Variants in PLAC8L1 observed in about 807,000 individuals in gnomAD.
PLAC8L1 encodes the protein PLAC8 like 1.
A neutral mutation model predicts 16.3 loss-of-function variants in PLAC8L1; 13 were observed. That is an observed-to-expected ratio of 0.80 (90% CI 0.52 to 1.27). PLAC8L1 has a LOEUF of 1.27. Among genes scored for constraint, PLAC8L1 ranks in the 50% most tolerant of loss-of-function variants. The probability of loss-of-function intolerance (pLI) is 0.00; values close to 1 mark genes in which losing one functional copy is unlikely to be tolerated. For synonymous variants in PLAC8L1, 78 were observed against 79.3 expected, an observed-to-expected ratio of 0.98 and a Z score of 0.09; for missense variants, 184 against 220.2, an observed-to-expected ratio of 0.84 and a Z score of 1.04.
intron 1 of PLAC8L1, among the ~76,000 whole-genome samples, chr5:146,100,861 G>A (rs1171737623): frequency 1.3e-5 from 2 of 152,154 alleles, no homozygotes; most frequent in Non-Finnish European, 2.9e-5. Flanking sequence ...AGGAAGTAAT[G>A]AAAGTTAAGT....
chr5:146,100,323 GGAAGT>G (rs1375961755), intron 1 of PLAC8L1, among the ~76,000 whole-genome samples: 1 of 152,124 alleles, frequency 6.6e-6, no homozygotes, highest in African/African-American at 2.4e-5. Context: ...CGACCTGTCT[GGAAGT>G]ATGAAGTGGA....
chr5:146,089,605 T>C (rs1027239893), intron 2 of PLAC8L1, among the ~76,000 whole-genome samples: 1 of 152,098 alleles, frequency 6.6e-6, no homozygotes, highest in African/African-American at 2.4e-5. Context: ...CATATTACTA[T>C]ATGTTCTCAT....
chr5:146,101,497 C>T lies in PLAC8L1; in HGVS notation c.119+2696G>A, dbSNP rs137868359. Among the ~76,000 whole-genome samples, 41 of 152,324 alleles carry T rather than the reference C, an allele frequency of 2.7e-4. 4 individuals carry two copies. In the East Asian group the frequency reaches 7.9e-3, roughly 29 times the overall value. The stretch of plus-strand genomic sequence containing the variant: ...AAACTACTTTTATGTCTTATTTCCT[C>T]TGCCTCCATGTGTGCTCCCTGAGGT... On this transcript the variant is annotated intron_variant, in intron 1 of 3. Transcript: ENST00000311450.
chr5:146,097,722 C>A (rs907573843), intron 2 of PLAC8L1, among the ~76,000 whole-genome samples: 3 of 152,172 alleles, frequency 2.0e-5, no homozygotes, highest in African/African-American at 7.2e-5. Context: ...ACTAATGCTG[C>A]AAAATTTAAT....
intron 2 of PLAC8L1, among the ~76,000 whole-genome samples, chr5:146,086,249 T>G (rs1763515866): frequency 1.3e-5 from 2 of 151,888 alleles, no homozygotes; most frequent in South Asian, 4.2e-4. Context: ...CGGGATGGTC[T>G]CGATCTCCTG....
At position 146,098,241 on chromosome 5, in the gene PLAC8L1, A is replaced by G. The variant is rs772654375; in HGVS notation, c.171T>C (p.Ser57=). The change falls in exon 2 of 4, where the codon AGT becomes AGC. Residue 57 remains serine, a synonymous_variant. Transcript: ENST00000311450. ...AVVKQPVRGA[S]GRTTITAIVQ... Reference sequence around the variant, plus strand: ...CAATTGCTGTGATTGTCGTCCTGCCACTGGCTCCCCGAACAGGCTGCTTCA... The same window carrying G: ...CAATTGCTGTGATTGTCGTCCTGCCGCTGGCTCCCCGAACAGGCTGCTTCA... 2.5e-5 allele frequency: 41 copies of G among 1,614,062 alleles called. No homozygotes were observed. Among genetic ancestry groups the G allele is most frequent in the Middle Eastern group, 1.6e-4 (1 of 6,084 alleles).
At chr5:146,099,831 A>C (rs1233867739) in intron 1 of PLAC8L1, among the ~76,000 whole-genome samples, 1 of 152,146 alleles carries the variant, frequency 6.6e-6, no homozygotes, top group Non-Finnish European at 1.5e-5. Flanking sequence ...TCTGGCAATA[A>C]AGCCAATGGA....
At chr5:146,088,435 T>G (rs1208256658) in intron 2 of PLAC8L1, among the ~76,000 whole-genome samples, 1 of 152,214 alleles carries the variant, frequency 6.6e-6, no homozygotes, top group Non-Finnish European at 1.5e-5. Flanking sequence ...GGTCTGTCTC[T>G]GGCTACCCCT....
rs1763889998 is a variant in PLAC8L1 at position 146,105,199 on chromosome 5, G to A, written c.-888C>T. 6.6e-6 allele frequency among the ~76,000 whole-genome samples: 1 copy of A among 152,170 alleles called. No homozygotes were observed. Among genetic ancestry groups the A allele is most frequent in the South Asian group, 2.1e-4 (1 of 4,828 alleles). ...ACATTACATTAGAAAGACATCAGGA[G>A]GATACTGCCAATTATATCATATATT... On this transcript the variant is annotated 5_prime_UTR_variant, in exon 1 of 4. Coordinates refer to ENST00000311450, the MANE Select transcript of PLAC8L1 (RefSeq NM_001029869.3).
chr5:146,094,889 T>G (rs1763684506), intron 2 of PLAC8L1, among the ~76,000 whole-genome samples: 1 of 152,206 alleles, frequency 6.6e-6, no homozygotes, highest in Non-Finnish European at 1.5e-5. Context: ...TGGAAAAATG[T>G]CCCAGGATGG....
In PLAC8L1 at chr5:146,102,052, TTTTTGTC is replaced by T. The variant is rs1218115594; in HGVS notation, c.119+2134_119+2140del. ...TTCTGTGTTTACCCTTTTTTTTTTT[TTTTTGTC>T]TTTTGTCTTTTTTTGAAACAGGGTC... On this transcript the variant is annotated intron_variant, in intron 1 of 3. Transcript: ENST00000311450. Among the ~76,000 whole-genome samples, 9 of 151,486 alleles carry T rather than the reference TTTTTGTC, an allele frequency of 5.9e-5. No homozygotes were observed. In the East Asian group the frequency reaches 1.7e-3, roughly 29 times the overall value.
intron 2 of PLAC8L1, among the ~76,000 whole-genome samples, chr5:146,086,024 CTT>C (rs58130114): frequency 9.2e-4 from 83 of 90,378 alleles, no homozygotes; most frequent in East Asian, 1.3e-3. Context: ...ATTGAAAGGT[CTT>C]TTTTTTTTTT....
chr5:146,084,982 C>T (rs1763482954), intron 3 of PLAC8L1, among the ~76,000 whole-genome samples: 1 of 152,226 alleles, frequency 6.6e-6, no homozygotes, highest in Non-Finnish European at 1.5e-5. Context: ...CATCCAGTTG[C>T]CTGCCTGGAA....
chr5:146,091,996 A>C lies in PLAC8L1; in HGVS notation c.256+6160T>G, dbSNP rs184053644. Among the ~76,000 whole-genome samples, 119 of 152,314 alleles carry C rather than the reference A, an allele frequency of 7.8e-4. 1 individual carries two copies. The highest frequency in any genetic ancestry group is 2.7e-3 in the African/African-American group (111 of 41,570). On this transcript the variant is annotated intron_variant, in intron 2 of 3. Coordinates refer to ENST00000311450, the MANE Select transcript of PLAC8L1 (RefSeq NM_001029869.3). ...GCCTGGTGGTTATGTAAGCACGCAC[A>C]GTATAAATGATTCAGGTCTGTTCTC...
At chr5:146,101,196 C>CAAAAAA (rs35143616) in intron 1 of PLAC8L1, among the ~76,000 whole-genome samples, 4 of 82,174 alleles carry the variant, frequency 4.9e-5, no homozygotes, top group African/African-American at 2.2e-4. Context: ...GACCCTGTCT[C>CAAAAAA]AAAAAAAAAA....
intron 1 of PLAC8L1, among the ~76,000 whole-genome samples, chr5:146,098,877 T>C (rs1176461818): frequency 6.6e-6 from 1 of 152,170 alleles, no homozygotes; most frequent in Non-Finnish European, 1.5e-5. Context: ...ATGGGTATCA[T>C]TTAAGTGAAT....
At chr5:146,096,998 AT>A (rs1225445580) in intron 2 of PLAC8L1, among the ~76,000 whole-genome samples, 1 of 152,198 alleles carries the variant, frequency 6.6e-6, no homozygotes, top group Admixed American at 6.5e-5. Context: ...ATTAGGACAA[AT>A]TCAGATCTTC....
chr5:146,087,271 T>C (rs558812331), intron 2 of PLAC8L1, among the ~76,000 whole-genome samples: 1 of 152,360 alleles, frequency 6.6e-6, no homozygotes, highest in South Asian at 2.1e-4. Flanking sequence ...CATTCTCCCA[T>C]TGATAAACAT....
intron 2 of PLAC8L1, among the ~76,000 whole-genome samples, chr5:146,094,100 T>C (rs1763672186): frequency 6.6e-6 from 1 of 152,236 alleles, no homozygotes; most frequent in African/African-American, 2.4e-5. Context: ...TTTGTTTTGT[T>C]TTGAGACAGT....
Sources: gnomAD v4.1 joint callset for allele counts (sites outside exome capture counted in the v4.1 genomes callset) on GRCh38, gnomAD v4.1.1 for gene constraint, MANE v1.5 for transcripts, NCBI Gene and HGNC (gene_info 2026-07-23, HGNC 2026-07-21) for gene names.